The following ANXA10 variants were observed in gnomAD, a reference collection of about 807,000 sequenced individuals.
The protein encoded by ANXA10 is annexin A10.
In ANXA10, 49 loss-of-function variants were observed where a neutral mutation model predicts 53.5. The observed-to-expected ratio is 0.92, with a 90% confidence interval of 0.73 to 1.16. The LOEUF (loss-of-function observed/expected upper bound fraction) is 1.16. Among genes scored for constraint, ANXA10 ranks in the 50% most tolerant of loss-of-function variants. The pLI is 0.00. For synonymous variants in ANXA10, 131 were observed against 128.9 expected (o/e 1.02, Z -0.11); for missense variants, 393 against 394.4 (o/e 1.00, Z 0.03).
intron 6 of ANXA10, among the ~76,000 whole-genome samples, chr4:168,175,962 T>C (rs1259267680): frequency 6.6e-6 from 1 of 152,218 alleles, no homozygotes; most frequent in African/African-American, 2.4e-5. Context: ...GCAAATTTCA[T>C]CTGTGTGATA....
intron 6 of ANXA10, among the ~76,000 whole-genome samples, chr4:168,166,631 C>CGTGTGTGT (rs34797848): frequency 1.7e-3 from 231 of 136,792 alleles, no homozygotes; most frequent in Middle Eastern, 3.6e-3. Flanking sequence ...TTTTGTGTTT[C>CGTGTGTGT]GTGTGTGTGT....
At chr4:168,184,302 C>T (rs528447505) in intron 10 of ANXA10, among the ~76,000 whole-genome samples, 3 of 151,976 alleles carry the variant, frequency 2.0e-5, no homozygotes, top group East Asian at 1.9e-4. Flanking sequence ...GAGTCAAGGT[C>T]GTGGCACTGG....
intron 6 of ANXA10, among the ~76,000 whole-genome samples, chr4:168,174,000 A>G (rs1277144729): frequency 6.6e-6 from 1 of 152,046 alleles, no homozygotes; most frequent in African/African-American, 2.4e-5. Context: ...TGGGGGAGGA[A>G]CTACCTGACT....
At chr4:168,093,285 A>T (rs1435931010) in intron 1 of ANXA10, among the ~76,000 whole-genome samples, 1 of 148,506 alleles carries the variant, frequency 6.7e-6, no homozygotes, top group Non-Finnish European at 1.5e-5. Context: ...CTTATTTTTG[A>T]ATAATTTTCT....
At chr4:168,169,129 G>C (rs990854016) in intron 6 of ANXA10, among the ~76,000 whole-genome samples, 1 of 152,094 alleles carries the variant, frequency 6.6e-6, no homozygotes, top group Non-Finnish European at 1.5e-5. Flanking sequence ...AGAAGTTGAG[G>C]TCATTTGCAG....
intron 6 of ANXA10, among the ~76,000 whole-genome samples, chr4:168,172,281 G>T (rs1185074956): frequency 6.6e-6 from 1 of 152,152 alleles, no homozygotes; most frequent in African/African-American, 2.4e-5. Flanking sequence ...GTAATTAGCT[G>T]CATAGGAAAA....
chr4:168,144,180 CT>C (rs372900968), intron 3 of ANXA10, among the ~76,000 whole-genome samples: 2,402 of 149,754 alleles, frequency 0.016, 64 homozygotes, highest in African/African-American at 0.055. Flanking sequence ...GATTGTTGTT[CT>C]TTTTTTTTTC....
intron 6 of ANXA10, 113 bp downstream of exon 6, chr4:168,165,439 A>G: frequency 2.1e-6 from 1 of 481,054 alleles, no homozygotes; most frequent in South Asian, 6.7e-5. Context: ...TTACAGTTCA[A>G]TAGTAAATTC....
At chr4:168,153,391 A>G (rs1333491335) in intron 3 of ANXA10, among the ~76,000 whole-genome samples, 2 of 128,708 alleles carry the variant, frequency 1.6e-5, no homozygotes, top group East Asian at 4.2e-4. Flanking sequence ...GAAACTAAAA[A>G]CCATGGCTTC....
At chr4:168,181,595 C>A in intron 9 of ANXA10, 88 bp from the exon 10 acceptor site, 2 of 1,056,330 alleles carry the variant, frequency 1.9e-6, no homozygotes, top group Non-Finnish European at 1.5e-6. Flanking sequence ...AGAATTGTAA[C>A]AGGAAAAGTG....
intron 1 of ANXA10, among the ~76,000 whole-genome samples, chr4:168,098,925 G>A (rs1730596760): frequency 6.6e-6 from 1 of 152,082 alleles, no homozygotes; most frequent in South Asian, 2.1e-4. Context: ...CTTTGGATTG[G>A]CTTTTCATCT....
At chr4:168,173,399 G>A (rs1192491290) in intron 6 of ANXA10, among the ~76,000 whole-genome samples, 1 of 152,178 alleles carries the variant, frequency 6.6e-6, no homozygotes, top group Non-Finnish European at 1.5e-5. Flanking sequence ...TCCTTTGAGT[G>A]AAATGGATGA....
intron 3 of ANXA10, among the ~76,000 whole-genome samples, chr4:168,150,843 G>C (rs1297448555): frequency 6.6e-6 from 1 of 152,150 alleles, no homozygotes; most frequent in Non-Finnish European, 1.5e-5. Context: ...AAAGAATGCT[G>C]GCTGGTTGTT....
intron 3 of ANXA10, among the ~76,000 whole-genome samples, chr4:168,155,803 TATATGATATATTATATATGATATATG>T (rs1731626163): frequency 3.5e-5 from 1 of 28,730 alleles, no homozygotes; most frequent in Non-Finnish European, 5.9e-5. Flanking sequence ...TAATATATAA[TATATGATATATTATATATGATATATG>T]ATATATCATA....
intron 1 of ANXA10, among the ~76,000 whole-genome samples, chr4:168,122,309 C>T (rs932334143): frequency 6.6e-6 from 1 of 152,098 alleles, no homozygotes; most frequent in East Asian, 1.9e-4. Flanking sequence ...AGGAAGTTTC[C>T]GACTGAGATC....
chr4:168,101,499 T>C (rs574371888), intron 1 of ANXA10, among the ~76,000 whole-genome samples: 7 of 137,394 alleles, frequency 5.1e-5, no homozygotes, highest in Admixed American at 5.1e-4. Context: ...GTGTTTTTTT[T>C]GGGGGGGAAG....
chr4:168,184,796 C>A, intron 11 of ANXA10, 115 bp downstream of exon 11: 2 of 1,363,050 alleles, frequency 1.5e-6, no homozygotes, highest in Non-Finnish European at 2.0e-6. Flanking sequence ...ACTATTCAGA[C>A]AGGGATAACC....
chr4:168,132,860 C>A (rs935034833), intron 2 of ANXA10, among the ~76,000 whole-genome samples: 1 of 152,024 alleles, frequency 6.6e-6, no homozygotes, highest in Non-Finnish European at 1.5e-5. Context: ...TTTGACCATA[C>A]AGTCGATTCT....
chr4:168,130,431 C>A (rs1335294731), intron 2 of ANXA10, among the ~76,000 whole-genome samples: 3 of 151,976 alleles, frequency 2.0e-5, no homozygotes, highest in Non-Finnish European at 4.4e-5. Context: ...CAGTAATTTT[C>A]TTTTCTTGTT....
Sources: gnomAD v4.1 joint callset for allele counts (sites outside exome capture counted in the v4.1 genomes callset) on GRCh38, gnomAD v4.1.1 for gene constraint, MANE v1.5 for transcripts, NCBI Gene and HGNC (gene_info 2026-07-23, HGNC 2026-07-21) for gene names.